The following UBE3C variants were observed in gnomAD, a reference collection of about 807,000 sequenced individuals.
UBE3C encodes ubiquitin-protein ligase E3C.
A neutral mutation model predicts 129.4 loss-of-function variants in UBE3C; 42 were observed. That is an observed-to-expected ratio of 0.32 (90% CI 0.25 to 0.42). UBE3C has a LOEUF of 0.42. Ranked by LOEUF, UBE3C falls within the 10% of genes least tolerant of loss-of-function variation. The pLI, the probability that UBE3C is intolerant of heterozygous loss-of-function variation, is 1.00. For missense variants in UBE3C, 1,049 were observed against 1,319.1 expected (o/e 0.80, Z 3.17); for synonymous variants, 510 against 492.4 (o/e 1.04, Z -0.47).
At chr7:157,209,229 C>T (rs1330618247) in intron 13 of UBE3C, among the ~76,000 whole-genome samples, 2 of 152,188 alleles carry the variant, frequency 1.3e-5, no homozygotes, top group African/African-American at 4.8e-5. Flanking sequence ...TCTCTCCAGC[C>T]CGTTCTGCCT....
chr7:157,163,708 C>A, intron 1 of UBE3C, 102 bp from the exon 2 acceptor site: 3 of 1,268,778 alleles, frequency 2.4e-6, no homozygotes, highest in Non-Finnish European at 1.1e-6. Flanking sequence ...TTTGGATGAT[C>A]TTTAGGATCT....
chr7:157,163,844 A>G lies in UBE3C; in HGVS notation c.101A>G (p.Glu34Gly), dbSNP rs1808141917. The G allele has an allele frequency of 6.2e-7, 1 of 1,613,540 alleles. No individual in the cohort carries two copies. Among genetic ancestry groups the G allele is most frequent in the Non-Finnish European group, 8.5e-7 (1 of 1,179,708 alleles). The change falls in exon 2 of 23, where the codon GAA (glutamate) becomes GGA (glycine). Residue 34 changes from glutamate to glycine, a missense_variant. Physicochemically the swap from Glu to Gly is moderately conservative, Grantham distance 98. This residue lies in a region of UBE3C where 489 missense variants were observed against 513.8 expected (regional missense o/e 0.95). Coordinates refer to ENST00000348165, the MANE Select transcript of UBE3C (RefSeq NM_014671.3). ...EKASLLHRTQ[E>G]ERRKREEERR... ...GCTTCTCTTTTACATCGTACTCAGG[A>G]AGAAAGAAGAAAGAGAGAGGTAAAA...
intron 10 of UBE3C, chr7:157,192,365 A>G: frequency 1.5e-6 from 1 of 653,260 alleles, no homozygotes; most frequent in Non-Finnish European, 2.8e-6. Context: ...AGCCGCCACC[A>G]AAATGCAGAT....
chr7:157,182,065 G>T lies in UBE3C; in HGVS notation c.771-43G>T, dbSNP rs756798080. The T allele has an allele frequency of 6.0e-6, 9 of 1,501,158 alleles. No homozygotes were observed. The Admixed American group carries it at 1.8e-4, about 30-fold the overall frequency. The allele number at this position is 1,501,158 out of a possible 1,614,324, so 93.0% of individuals were successfully genotyped here. ...ATTTTAATCAGTGATTGGATGGACAGTATAATTTGATTTTATAAAAAGCTT... is the reference window on the plus strand; with the variant it reads ...ATTTTAATCAGTGATTGGATGGACATTATAATTTGATTTTATAAAAAGCTT... On this transcript the variant is annotated intron_variant, in intron 7 of 22. Coordinates refer to ENST00000348165, the MANE Select transcript of UBE3C (RefSeq NM_014671.3).
At chr7:157,228,800 C>T (rs1795944817) in intron 17 of UBE3C, among the ~76,000 whole-genome samples, 1 of 152,176 alleles carries the variant, frequency 6.6e-6, no homozygotes, top group Non-Finnish European at 1.5e-5. Context: ...CTGTAAGCCT[C>T]AGTCAGTCCA....
chr7:157,168,203 T>G (rs888549680), intron 2 of UBE3C, among the ~76,000 whole-genome samples: 1 of 151,688 alleles, frequency 6.6e-6, no homozygotes, highest in African/African-American at 2.4e-5. Context: ...TACAAAAAAT[T>G]AGCCAGGTGT....
intron 10 of UBE3C, among the ~76,000 whole-genome samples, chr7:157,194,120 T>C (rs3802118): frequency 0.47 from 72,263 of 152,142 alleles, 19,758 homozygotes; most frequent in African/African-American, 0.76. Context: ...TCATTTTCTT[T>C]GGAAGATGAT....
At chr7:157,257,325 A>G (rs1796777419) in intron 22 of UBE3C, among the ~76,000 whole-genome samples, 2 of 152,190 alleles carry the variant, frequency 1.3e-5, no homozygotes, top group Admixed American at 1.3e-4. Flanking sequence ...TATTTGCAAT[A>G]TTAATAATGT....
At chr7:157,221,101 C>T (rs1196508687) in intron 15 of UBE3C, 2 of 233,910 alleles carry the variant, frequency 8.6e-6, no homozygotes, top group East Asian at 1.7e-4. Context: ...TTGATTGTTC[C>T]CTCTGTTGCT....
intron 2 of UBE3C, among the ~76,000 whole-genome samples, chr7:157,166,817 T>C (rs1457746183): frequency 9.9e-5 from 15 of 152,188 alleles, no homozygotes; most frequent in Admixed American, 8.5e-4. Flanking sequence ...TGGAGAATTA[T>C]TGTATTCCTT....
chr7:157,175,432 A>G lies in UBE3C; in HGVS notation c.458+398A>G, dbSNP rs146848489. Among the ~76,000 whole-genome samples the G allele has an allele frequency of 7.4e-4, 113 of 152,262 alleles. No homozygotes were observed. The East Asian group carries it at 0.021, about 28-fold the overall frequency. On this transcript the variant is annotated intron_variant, in intron 5 of 22. Coordinates refer to ENST00000348165, the MANE Select transcript of UBE3C (RefSeq NM_014671.3). ...CCATCTTTAGAATACACCTTTCATC[A>G]GGCTTTTTATTATTTATGTAGGAAC... is the stretch of plus-strand genomic sequence containing the variant.
intron 6 of UBE3C, among the ~76,000 whole-genome samples, chr7:157,180,235 T>C (rs1446250607): frequency 1.3e-5 from 2 of 152,262 alleles, no homozygotes; most frequent in Non-Finnish European, 2.9e-5. Flanking sequence ...TTCTGTGCCA[T>C]GAAGCTTTTT....
At chr7:157,244,213 G>A (rs568393018) in intron 18 of UBE3C, among the ~76,000 whole-genome samples, 3 of 152,104 alleles carry the variant, frequency 2.0e-5, no homozygotes, top group Admixed American at 6.5e-5. Context: ...CAGCCTGGGC[G>A]ATAGAGTGAA....
At chr7:157,141,157 T>G (rs554379327) in intron 1 of UBE3C, among the ~76,000 whole-genome samples, 1 of 152,014 alleles carries the variant, frequency 6.6e-6, no homozygotes, top group Admixed American at 6.6e-5. Context: ...AGAGTGGCAG[T>G]AAAGAGCCCT....
Position 157,164,796 on chromosome 7 carries a change from C to T in UBE3C, c.120+933C>T, listed in dbSNP as rs550135724. Among the ~76,000 whole-genome samples, 14 of 152,178 alleles carry T rather than the reference C, an allele frequency of 9.2e-5. No homozygotes were observed. In the South Asian group the frequency reaches 1.5e-3, roughly 16 times the overall value. On this transcript the variant is annotated intron_variant, in intron 2 of 22. Coordinates refer to ENST00000348165, the MANE Select transcript of UBE3C (RefSeq NM_014671.3). ...TGAATAAGACAGACAAGGTTCCTGC[C>T]GTGAACCAGGATGCTGAGGTGGTGA...
In UBE3C at chr7:157,214,676, G is replaced by T. The variant is rs78543956; in HGVS notation, c.1810-2191G>T. Among the ~76,000 whole-genome samples, 289 of 152,324 alleles carry T rather than the reference G, an allele frequency of 1.9e-3. 6 individuals are homozygous for T. In the East Asian group the frequency reaches 0.05, roughly 26 times the overall value. On this transcript the variant is annotated intron_variant, in intron 13 of 22. Coordinates refer to ENST00000348165, the MANE Select transcript of UBE3C (RefSeq NM_014671.3). ...CTTCATACAAAAAGATTGTACTTCTGTTCCTTTTAGAAGGGTGTGTGCTCT... is the reference window on the plus strand; with the variant it reads ...CTTCATACAAAAAGATTGTACTTCTTTTCCTTTTAGAAGGGTGTGTGCTCT...
At chr7:157,213,626 G>A (rs562715323) in intron 13 of UBE3C, among the ~76,000 whole-genome samples, 3 of 152,284 alleles carry the variant, frequency 2.0e-5, no homozygotes, top group African/African-American at 7.2e-5. Flanking sequence ...AATGTGTTAA[G>A]GTGTTTCGAG....
Position 157,267,771 on chromosome 7 carries a change from C to T in UBE3C, c.*16C>T, listed in dbSNP as rs554897617. 2.3e-4 allele frequency: 357 copies of T among 1,556,268 alleles called. 7 individuals are homozygous for T. The South Asian group carries it at 4.1e-3, about 18-fold the overall frequency. On this transcript the variant is annotated 3_prime_UTR_variant, in exon 23 of 23. Transcript: ENST00000348165. ...GCTGAGCTGAAGCTGATGCTGGGGT[C>T]AGACCCCTACAGAGAACCAGTGCTT...
chr7:157,224,144 G>GA (rs1224900225), intron 16 of UBE3C, among the ~76,000 whole-genome samples: 1 of 152,026 alleles, frequency 6.6e-6, no homozygotes, highest in East Asian at 1.9e-4. Flanking sequence ...AAAGTGCTGG[G>GA]ATTACAGGCA....
Sources: allele counts gnomAD v4.1 joint callset (sites outside exome capture counted in the v4.1 genomes callset), GRCh38; gene constraint gnomAD v4.1.1; regional missense constraint gnomAD v4.1.1; transcripts MANE v1.5; gene names NCBI Gene and HGNC (gene_info 2026-07-23, HGNC 2026-07-21).